GLB1L3: variants seen among roughly 807,000 people sequenced by gnomAD.
GLB1L3 encodes beta-galactosidase-1-like protein 3.
Under a neutral mutation model 89.5 loss-of-function variants are expected in GLB1L3, and 89 were observed. The observed-to-expected ratio is 0.99, with a 90% CI of 0.84 to 1.19. The LOEUF (loss-of-function observed/expected upper bound fraction) is 1.19. Among genes scored for constraint, GLB1L3 ranks in the 50% most tolerant of loss-of-function variants. GLB1L3 has a pLI of 0.00. For missense variants in GLB1L3, 812 were observed against 813.3 expected, an observed-to-expected ratio of 1.00 and a Z score of 0.02; for synonymous variants, 314 against 312.3, an observed-to-expected ratio of 1.01 and a Z score of -0.06.
intron 9 of GLB1L3, among the ~76,000 whole-genome samples, chr11:134,297,951 G>A (rs1293507296): frequency 6.6e-6 from 1 of 151,358 alleles, no homozygotes; most frequent in East Asian, 1.9e-4. Context: ...ATACTGAAGT[G>A]TAGGTAGTAC....
chr11:134,295,825 C>T (rs1941604885), intron 9 of GLB1L3, among the ~76,000 whole-genome samples: 1 of 152,140 alleles, frequency 6.6e-6, no homozygotes, highest in Non-Finnish European at 1.5e-5. Flanking sequence ...GAGTTCAAAA[C>T]TTCAAAACAT....
chr11:134,293,244 C>T, intron 9 of GLB1L3, 35 bp downstream of exon 9: 8 of 1,535,692 alleles, frequency 5.2e-6, no homozygotes, highest in Non-Finnish European at 7.2e-6. Flanking sequence ...TTTTACAGCT[C>T]CTCCTACCAT....
Position 134,276,498 on chromosome 11 carries a change from G to A in GLB1L3, c.-243G>A. Reference sequence around the variant, plus strand: ...GGCGTCCGCGCCCGGACGCACTGCGGGAACACCTGGAGCGCCGGCGGAGCT... The same window carrying A: ...GGCGTCCGCGCCCGGACGCACTGCGAGAACACCTGGAGCGCCGGCGGAGCT... On this transcript the variant is annotated 5_prime_UTR_variant, in exon 1 of 20. Coordinates refer to ENST00000431683, the MANE Select transcript of GLB1L3 (RefSeq NM_001080407.3). 2.7e-6 allele frequency: 1 copy of A among 375,608 alleles called. No homozygotes were observed. The highest frequency in any genetic ancestry group is 4.7e-6 in the Non-Finnish European group (1 of 212,318). The allele number at this position is 375,608 out of a possible 1,614,324, so 23.3% of individuals were successfully genotyped here.
intron 6 of GLB1L3, among the ~76,000 whole-genome samples, chr11:134,286,307 A>C (rs1940979982): frequency 6.6e-6 from 1 of 152,208 alleles, no homozygotes; most frequent in East Asian, 1.9e-4. Flanking sequence ...GCTGCAATAC[A>C]GTTTTGAGAG....
At chr11:134,300,591 C>T (rs899529362) in intron 9 of GLB1L3, among the ~76,000 whole-genome samples, 14 of 152,136 alleles carry the variant, frequency 9.2e-5, no homozygotes, top group African/African-American at 3.4e-4. Context: ...GCCTCAGCCT[C>T]CCAAAGTGCT....
chr11:134,300,152 G>C (rs913870473), intron 9 of GLB1L3, among the ~76,000 whole-genome samples: 1 of 152,098 alleles, frequency 6.6e-6, no homozygotes, highest in Non-Finnish European at 1.5e-5. Flanking sequence ...CTACATGTCT[G>C]AAATCAAGGT....
intron 10 of GLB1L3, among the ~76,000 whole-genome samples, chr11:134,309,282 A>AT (rs1472676815): frequency 6.6e-6 from 1 of 152,082 alleles, no homozygotes; most frequent in Non-Finnish European, 1.5e-5. Context: ...AATTCTGCCT[A>AT]TTTTTTTGTT....
intron 9 of GLB1L3, among the ~76,000 whole-genome samples, chr11:134,293,973 G>C (rs561917344): frequency 6.6e-6 from 1 of 152,020 alleles, no homozygotes; most frequent in Non-Finnish European, 1.5e-5. Flanking sequence ...CTGCAGCCCC[G>C]AAGGCTAGCC....
At chr11:134,281,255 G>A in intron 3 of GLB1L3, 122 bp from the exon 4 acceptor site, 1 of 1,109,034 alleles carries the variant, frequency 9.0e-7, no homozygotes, top group Admixed American at 1.7e-5. Context: ...ATTTCCACTG[G>A]TAACTTCAAC....
At chr11:134,277,250 G>A (rs765009892) in intron 1 of GLB1L3, 76 bp from the exon 2 acceptor site, 2 of 1,600,060 alleles carry the variant, frequency 1.2e-6, no homozygotes, top group Non-Finnish European at 1.7e-6. Flanking sequence ...AAGCGCCCCC[G>A]GCACAGCTTC....
In GLB1L3 at chr11:134,276,567, C is replaced by T. The variant is rs1940378958; in HGVS notation, c.-174C>T. Reference sequence around the variant, plus strand: ...GGAGCCCGACGCGCATCCTTGGGACCCGGACCCGGCGCCCGCGCCTCGGGA... The same window carrying T: ...GGAGCCCGACGCGCATCCTTGGGACTCGGACCCGGCGCCCGCGCCTCGGGA... On this transcript the variant is annotated 5_prime_UTR_variant, in exon 1 of 20. Coordinates refer to ENST00000431683, the MANE Select transcript of GLB1L3 (RefSeq NM_001080407.3). The T allele has an allele frequency of 3.9e-6, 2 of 515,036 alleles. No individual in the cohort carries two copies. Among genetic ancestry groups the T allele is most frequent in the Admixed American group, 4.5e-5 (1 of 22,146 alleles). 31.9% of individuals were successfully genotyped at this position (515,036 alleles called of 1,614,324 possible). A position where few individuals can be genotyped will look rare whatever the true frequency, so the allele number is the denominator to read the frequency against.
intron 9 of GLB1L3, among the ~76,000 whole-genome samples, chr11:134,299,386 G>A (rs79623089): frequency 0.011 from 1,670 of 152,054 alleles, 21 homozygotes; most frequent in African/African-American, 0.038. Context: ...TGAAAACTGC[G>A]CATCATGCAT....
At chr11:134,285,385 T>C (rs1352367137) in intron 6 of GLB1L3, among the ~76,000 whole-genome samples, 1 of 152,204 alleles carries the variant, frequency 6.6e-6, no homozygotes, top group African/African-American at 2.4e-5. Context: ...CATTGTAATT[T>C]TTTTAAATTT....
intron 9 of GLB1L3, among the ~76,000 whole-genome samples, chr11:134,302,142 A>G (rs1182541329): frequency 6.6e-6 from 1 of 152,144 alleles, no homozygotes; most frequent in African/African-American, 2.4e-5. Context: ...TTCCAGCCAA[A>G]TACAATGTCC....
intron 9 of GLB1L3, among the ~76,000 whole-genome samples, chr11:134,303,982 C>G (rs1248848447): frequency 6.6e-6 from 1 of 152,058 alleles, no homozygotes; most frequent in Non-Finnish European, 1.5e-5. Context: ...TCCTTTATTA[C>G]TAAGAATTTT....
chr11:134,288,707 C>T, intron 6 of GLB1L3, 91 bp from the exon 7 acceptor site: 1 of 837,162 alleles, frequency 1.2e-6, no homozygotes, highest in Non-Finnish European at 1.9e-6. Context: ...CCTGCCGCAC[C>T]AGCTGTGCAG....
chr11:134,292,404 C>G, intron 8 of GLB1L3, 191 bp downstream of exon 8: 1 of 514,308 alleles, frequency 1.9e-6, no homozygotes, highest in Non-Finnish European at 3.5e-6. Flanking sequence ...TCACAGCTCC[C>G]TATCTTGGCC....
chr11:134,308,509 C>T (rs1368707456), intron 10 of GLB1L3, among the ~76,000 whole-genome samples: 13 of 93,152 alleles, frequency 1.4e-4, no homozygotes, highest in East Asian at 6.0e-4. Context: ...ATACCACCAC[C>T]ACCACCACCA....
At chr11:134,300,686 C>A (rs1941903322) in intron 9 of GLB1L3, among the ~76,000 whole-genome samples, 1 of 152,120 alleles carries the variant, frequency 6.6e-6, no homozygotes, top group Non-Finnish European at 1.5e-5. Flanking sequence ...CCTCTGAGGC[C>A]TCTCCTTATC....
Sources: gnomAD v4.1 joint callset for allele counts (sites outside exome capture counted in the v4.1 genomes callset) on GRCh38, gnomAD v4.1.1 for gene constraint, MANE v1.5 for transcripts, NCBI Gene and HGNC (gene_info 2026-07-23, HGNC 2026-07-21) for gene names.